IL33: variants seen among roughly 807,000 people sequenced by gnomAD.
IL33 encodes interleukin-33.
Under a neutral mutation model 27.3 loss-of-function variants are expected in IL33, and 37 were observed. The ratio of observed to expected loss-of-function variants is 1.36; its 90% confidence interval spans 1.04 to 1.78. The LOEUF (loss-of-function observed/expected upper bound fraction) is 1.78. IL33 is among the 40% of genes most tolerant of loss of function. The pLI is 0.00. For synonymous variants in IL33, 132 were observed against 102.9 expected (o/e 1.28, Z -1.71); for missense variants, 406 against 311.4 (o/e 1.30, Z -2.29).
intron 1 of IL33, among the ~76,000 whole-genome samples, chr9:6,238,577 T>C (rs1819360059): frequency 6.6e-6 from 1 of 152,144 alleles, no homozygotes; most frequent in Non-Finnish European, 1.5e-5. Context: ...TGCCTAAAGT[T>C]TACCTTCTAA....
chr9:6,246,986 A>C (rs1819896178), intron 2 of IL33, among the ~76,000 whole-genome samples: 1 of 152,268 alleles, frequency 6.6e-6, no homozygotes, highest in Admixed American at 6.5e-5. Context: ...CAGAAGATAT[A>C]CACAGAAAGA....
Position 6,252,936 on chromosome 9 carries a change from G to C in IL33, c.414G>C (p.Leu138Phe), listed in dbSNP as rs144477831. 261 of 1,600,062 alleles carry C rather than the reference G, an allele frequency of 1.6e-4. No homozygotes were observed. The highest frequency in any genetic ancestry group is 2.1e-4 in the Non-Finnish European group (243 of 1,169,022). ...ATGATCAATCCATTACTTTTGCTTT[G>C]GAGGATGAAAGTTATGAGATATATG... ...TYNDQSITFALEDESYEIYVE... is the reference protein window; with the variant it reads ...TYNDQSITFAFEDESYEIYVE... Residue 138 changes from leucine to phenylalanine, a missense_variant, in exon 5 of 8, where the codon TTG (leucine) becomes TTC (phenylalanine). Physicochemically the swap from Leu to Phe is conservative, Grantham distance 22. Transcript: ENST00000682010.
chr9:6,237,181 T>C (rs1053394819), intron 1 of IL33, among the ~76,000 whole-genome samples: 5 of 152,188 alleles, frequency 3.3e-5, no homozygotes, highest in Admixed American at 3.3e-4. Flanking sequence ...ATCTGCTGTA[T>C]ATCATTGGGA....
At chr9:6,240,214 G>A (rs946745059) in intron 1 of IL33, among the ~76,000 whole-genome samples, 1 of 152,214 alleles carries the variant, frequency 6.6e-6, no homozygotes, top group African/African-American at 2.4e-5. Context: ...GAGAACATGT[G>A]CTCAAAGTGG....
At chr9:6,252,621 C>T (rs1456606347) in intron 4 of IL33, among the ~76,000 whole-genome samples, 1 of 152,176 alleles carries the variant, frequency 6.6e-6, no homozygotes, top group South Asian at 2.1e-4. Flanking sequence ...CCCCACCAAA[C>T]CCTCCCATAA....
intron 1 of IL33, among the ~76,000 whole-genome samples, chr9:6,225,903 C>T (rs753757485): frequency 2.0e-5 from 3 of 152,032 alleles, no homozygotes; most frequent in Non-Finnish European, 2.9e-5. Flanking sequence ...TTCTTTTTTA[C>T]GTTTTGTAGA....
intron 3 of IL33, 94 bp downstream of exon 3, chr9:6,250,693 A>C (rs756061975): frequency 4.2e-6 from 6 of 1,427,588 alleles, no homozygotes; most frequent in Non-Finnish European, 5.6e-6. Flanking sequence ...TCCTCACTCC[A>C]AGGTTCCTTT....
chr9:6,246,253 C>T (rs952758806), intron 2 of IL33, among the ~76,000 whole-genome samples: 2 of 151,892 alleles, frequency 1.3e-5, no homozygotes, highest in Non-Finnish European at 2.9e-5. Context: ...AATGTAATTA[C>T]CATTGCGATA....
At chr9:6,255,324 C>G (rs527331526) in intron 7 of IL33, among the ~76,000 whole-genome samples, 44 of 152,182 alleles carry the variant, frequency 2.9e-4, no homozygotes, top group African/African-American at 1.0e-3. Context: ...GGATAGTAAC[C>G]AGCATCTTCC....
intron 1 of IL33, among the ~76,000 whole-genome samples, chr9:6,232,877 G>A (rs944137429): frequency 6.6e-6 from 1 of 152,100 alleles, no homozygotes; most frequent in African/African-American, 2.4e-5. Context: ...ATCATCATCA[G>A]AACATCTTTC....
At chr9:6,244,790 T>C (rs1819730621) in intron 2 of IL33, among the ~76,000 whole-genome samples, 1 of 152,144 alleles carries the variant, frequency 6.6e-6, no homozygotes, top group Admixed American at 6.5e-5. Context: ...AAGCTGCTGC[T>C]CTAAGATGCC....
chr9:6,254,656 A>G, intron 7 of IL33, 103 bp downstream of exon 7: 1 of 577,486 alleles, frequency 1.7e-6, no homozygotes, highest in Non-Finnish European at 2.8e-6. Flanking sequence ...ATTTTGCAGA[A>G]GGATTTTTTT....
At position 6,256,543 on chromosome 9, in the gene IL33, C is replaced by A. The variant is rs1476196465; in HGVS notation, c.*375C>A. 2 of 361,514 alleles carry A rather than the reference C, an allele frequency of 5.5e-6. No homozygotes were observed. The highest frequency in any genetic ancestry group is 9.9e-6 in the Non-Finnish European group (2 of 201,514). 22.4% of individuals were successfully genotyped at this position (361,514 alleles called of 1,614,324 possible). ...CTTAAGTCTCTATGTAGACAGGGAT[C>A]CATTTTAAAGAGCTACTTAGAGAAA... On this transcript the variant is annotated 3_prime_UTR_variant, in exon 8 of 8. Coordinates refer to ENST00000682010, the MANE Select transcript of IL33 (RefSeq NM_033439.4).
intron 2 of IL33, among the ~76,000 whole-genome samples, chr9:6,248,553 A>G (rs1367854004): frequency 1.3e-5 from 2 of 151,652 alleles, no homozygotes; most frequent in Non-Finnish European, 2.9e-5. Flanking sequence ...TGCCTCTAGA[A>G]GTGTAAGAAA....
chr9:6,250,519 A>T lies in IL33; in HGVS notation c.137A>T (p.Lys46Met). The T allele has an allele frequency of 6.2e-7, 1 of 1,613,998 alleles. No homozygotes were observed. Among genetic ancestry groups the T allele is most frequent in the Non-Finnish European group, 8.5e-7 (1 of 1,179,930 alleles). Residue 46 changes from lysine (K) to methionine (M), a missense_variant, in exon 3 of 8, where the codon AAG becomes ATG. Physicochemically the swap from Lys to Met is moderately conservative, Grantham distance 95 (BLOSUM62 -1). Coordinates refer to ENST00000682010, the MANE Select transcript of IL33 (RefSeq NM_033439.4). Reference protein sequence around the residue: ...AKEVCPMYFMKLRSGLMIKKE... With the variant: ...AKEVCPMYFMMLRSGLMIKKE... Reference sequence around the variant, plus strand: ...GAAGTTTGCCCCATGTACTTTATGAAGCTCCGCTCTGGCCTTATGATAAAA... The same window carrying T: ...GAAGTTTGCCCCATGTACTTTATGATGCTCCGCTCTGGCCTTATGATAAAA...
At chr9:6,230,103 C>CA (rs1564054498) in intron 1 of IL33, among the ~76,000 whole-genome samples, 2 of 152,106 alleles carry the variant, frequency 1.3e-5, no homozygotes, top group African/African-American at 4.8e-5. Context: ...GTTGATGGGG[C>CA]AGGTAGTGCC....
At chr9:6,219,040 T>C (rs1818303392) in intron 1 of IL33, among the ~76,000 whole-genome samples, 1 of 150,018 alleles carries the variant, frequency 6.7e-6, no homozygotes. Flanking sequence ...GTATCTTTCA[T>C]TCAAGTTGAA....
At chr9:6,223,655 T>C (rs1230413305) in intron 1 of IL33, among the ~76,000 whole-genome samples, 2 of 152,210 alleles carry the variant, frequency 1.3e-5, no homozygotes, top group African/African-American at 4.8e-5. Flanking sequence ...TTGTTTGCCA[T>C]TTCTTTAAAG....
intron 1 of IL33, among the ~76,000 whole-genome samples, chr9:6,227,890 G>C (rs2130156351): frequency 6.6e-6 from 1 of 152,270 alleles, no homozygotes; most frequent in South Asian, 2.1e-4. Context: ...GGCTAGGGAG[G>C]AAGATCTGGA....
Sources: gnomAD v4.1 joint callset for allele counts (sites outside exome capture counted in the v4.1 genomes callset) on GRCh38, gnomAD v4.1.1 for gene constraint, MANE v1.5 for transcripts, NCBI Gene and HGNC (gene_info 2026-07-23, HGNC 2026-07-21) for gene names.